The following NRXN3 variants were observed in gnomAD, a reference collection of about 807,000 sequenced individuals.
NRXN3 encodes the protein neurexin III.
In NRXN3, 32 loss-of-function variants were observed where a neutral mutation model predicts 137.6. That is an observed-to-expected ratio of 0.23 (90% CI 0.18 to 0.31). NRXN3 has a LOEUF of 0.31. NRXN3 is among the 10% of genes least tolerant of loss of function. The pLI, the probability that NRXN3 is intolerant of heterozygous loss-of-function variation, is 1.00. For synonymous variants in NRXN3, 798 were observed against 784.5 expected (o/e 1.02, Z -0.29); for missense variants, 1,574 against 2,062.5 (o/e 0.76, Z 4.59).
chr14:79,859,088 C>T (rs2099409078), intron 20 of NRXN3, among the ~76,000 whole-genome samples: 1 of 151,704 alleles, frequency 6.6e-6, no homozygotes, highest in East Asian at 1.9e-4. Context: ...ACTCTGAGCA[C>T]CAGAATAGAG....
intron 15 of NRXN3, among the ~76,000 whole-genome samples, chr14:79,381,843 T>A (rs1245950098): frequency 6.6e-6 from 1 of 152,158 alleles, no homozygotes; most frequent in East Asian, 1.9e-4. Flanking sequence ...TAGCAAATGG[T>A]TTCTCCATGA....
At chr14:79,692,363 A>G in intron 18 of NRXN3, 101 bp downstream of exon 18, 1 of 838,324 alleles carries the variant, frequency 1.2e-6, no homozygotes, top group Non-Finnish European at 1.9e-6. Flanking sequence ...CGCCTGCTGC[A>G]TAAATGACTG....
chr14:79,626,390 G>A (rs897511062), intron 16 of NRXN3, among the ~76,000 whole-genome samples: 3 of 151,442 alleles, frequency 2.0e-5, no homozygotes, highest in African/African-American at 7.3e-5. Flanking sequence ...ATTGGTTCAT[G>A]TCTTCATAGT....
intron 15 of NRXN3, among the ~76,000 whole-genome samples, chr14:79,185,983 A>G (rs1210235354): frequency 6.6e-6 from 1 of 152,170 alleles, no homozygotes; most frequent in African/African-American, 2.4e-5. Context: ...TCTGGGTTGA[A>G]TCAAGGCTGT....
intron 1 of NRXN3, among the ~76,000 whole-genome samples, chr14:78,195,813 T>C (rs1391410767): frequency 6.6e-6 from 1 of 152,240 alleles, no homozygotes; most frequent in Non-Finnish European, 1.5e-5. Flanking sequence ...GTTTTTCTAC[T>C]ATAACCTGTT....
At chr14:78,545,789 C>T (rs1289282053) in intron 4 of NRXN3, among the ~76,000 whole-genome samples, 1 of 152,044 alleles carries the variant, frequency 6.6e-6, no homozygotes, top group Admixed American at 6.5e-5. Flanking sequence ...ATCTCTTTTT[C>T]CTCTTTCCCT....
At chr14:79,707,405 G>C (rs2154044082) in intron 19 of NRXN3, among the ~76,000 whole-genome samples, 1 of 152,272 alleles carries the variant, frequency 6.6e-6, no homozygotes, top group South Asian at 2.1e-4. Context: ...AGGAGACTTA[G>C]CTCATGACTG....
intron 15 of NRXN3, among the ~76,000 whole-genome samples, chr14:79,051,505 T>G (rs983223375): frequency 1.3e-5 from 2 of 152,180 alleles, no homozygotes; most frequent in African/African-American, 4.8e-5. Flanking sequence ...TGGCATTTGT[T>G]CAGTCCAGTT....
chr14:79,416,291 C>G (rs1402616465), intron 15 of NRXN3, among the ~76,000 whole-genome samples: 2 of 152,088 alleles, frequency 1.3e-5, no homozygotes, highest in African/African-American at 2.4e-5. Context: ...CCCGTTCATT[C>G]TTATGACAAT....
At chr14:79,251,977 C>G (rs959756200) in intron 15 of NRXN3, among the ~76,000 whole-genome samples, 1 of 151,956 alleles carries the variant, frequency 6.6e-6, no homozygotes, top group African/African-American at 2.4e-5. Flanking sequence ...CCATGCCCAG[C>G]CAATTTTTTA....
Position 79,801,802 on chromosome 14 carries a change from C to T in NRXN3, c.4015-3310C>T, listed in dbSNP as rs191006823. ...AAACAAATCTTTGGGCAAAGTGGAG[C>T]GCAGAGAGGGTTAAAGGTGGAAAAA... On this transcript the variant is annotated intron_variant, in intron 19 of 20. Transcript: ENST00000335750. Among the ~76,000 whole-genome samples the T allele has an allele frequency of 5.5e-4, 83 of 151,820 alleles. 1 individual carries two copies. The East Asian group carries it at 0.012, about 22-fold the overall frequency.
intron 20 of NRXN3, among the ~76,000 whole-genome samples, chr14:79,827,211 CATGAGCA>C (rs1461245296): frequency 6.6e-6 from 1 of 151,984 alleles, no homozygotes; most frequent in Non-Finnish European, 1.5e-5. Flanking sequence ...CACTTGGTGC[CATGAGCA>C]TACCATGGTA....
chr14:78,436,951 C>A lies in NRXN3; in HGVS notation c.757+139091C>A, dbSNP rs1365553483. The stretch of plus-strand genomic sequence containing the variant: ...TGATGGCTAAGAGCATGAACTCTGG[C>A]AGGTTTGAACTACCAGTGTTCAAAA... On this transcript the variant is annotated intron_variant, in intron 4 of 20. Transcript: ENST00000335750. Among the ~76,000 whole-genome samples the A allele has an allele frequency of 2.0e-5, 3 of 152,212 alleles. No homozygotes were observed. In the South Asian group the frequency reaches 6.2e-4, roughly 32 times the overall value.
At chr14:79,390,547 A>T (rs1431170070) in intron 15 of NRXN3, among the ~76,000 whole-genome samples, 2 of 152,104 alleles carry the variant, frequency 1.3e-5, no homozygotes, top group African/African-American at 4.8e-5. Flanking sequence ...CAAGACTGGG[A>T]GATTCTCCTA....
At chr14:79,340,528 C>T (rs1040014805) in intron 15 of NRXN3, among the ~76,000 whole-genome samples, 4 of 152,106 alleles carry the variant, frequency 2.6e-5, no homozygotes, top group East Asian at 3.9e-4. Flanking sequence ...TGCAATGGTG[C>T]GATATCAGCT....
At chr14:78,283,179 A>G (rs967870127) in intron 3 of NRXN3, 1 of 152,184 alleles carries the variant, frequency 6.6e-6, no homozygotes, top group East Asian at 1.9e-4. Flanking sequence ...GAGAATGAAC[A>G]CTTACTGACC....
At chr14:78,551,828 G>T (rs971949169) in intron 4 of NRXN3, among the ~76,000 whole-genome samples, 2 of 150,904 alleles carry the variant, frequency 1.3e-5, no homozygotes, top group African/African-American at 4.9e-5. Context: ...TTTTCTTCAA[G>T]TGGGCTTATC....
chr14:78,379,565 T>TTATGA (rs1429410847), intron 4 of NRXN3, among the ~76,000 whole-genome samples: 1 of 152,204 alleles, frequency 6.6e-6, no homozygotes, highest in African/African-American at 2.4e-5. Flanking sequence ...CAACACTTCT[T>TTATGA]TATGATAAAA....
chr14:79,182,714 T>C (rs1596967645), intron 15 of NRXN3, among the ~76,000 whole-genome samples: 1 of 152,160 alleles, frequency 6.6e-6, no homozygotes, highest in Non-Finnish European at 1.5e-5. Flanking sequence ...CTTTTCTAAG[T>C]GTTAAGACAA....
Sources: allele counts gnomAD v4.1 joint callset (sites outside exome capture counted in the v4.1 genomes callset), GRCh38; gene constraint gnomAD v4.1.1; transcripts MANE v1.5; gene names NCBI Gene and HGNC (gene_info 2026-07-23, HGNC 2026-07-21).